CSMD1: variants seen among roughly 807,000 people sequenced by gnomAD.
CSMD1 encodes the protein CUB and Sushi multiple domains 1.
Under a neutral mutation model 417.5 loss-of-function variants are expected in CSMD1, and 213 were observed. The observed-to-expected ratio is 0.51, with a 90% CI of 0.46 to 0.57. CSMD1 has a LOEUF of 0.57. CSMD1 is among the 20% of genes least tolerant of loss of function. The probability of loss-of-function intolerance (pLI) is 0.00; values close to 1 mark genes in which losing one functional copy is unlikely to be tolerated. For missense variants in CSMD1, 6,923 were observed against 4,529.7 expected, an observed-to-expected ratio of 1.53 and a Z score of -15.17; for synonymous variants, 2,862 against 1,736.8, an observed-to-expected ratio of 1.65 and a Z score of -16.11.
intron 3 of CSMD1, among the ~76,000 whole-genome samples, chr8:4,256,703 G>A (rs1803479301): frequency 6.7e-6 from 1 of 149,958 alleles, no homozygotes; most frequent in African/African-American, 2.5e-5. Context: ...GGCCGGGCGT[G>A]GTGTGGGGGA....
intron 4 of CSMD1, among the ~76,000 whole-genome samples, chr8:4,002,522 A>T (rs1267049187): frequency 1.3e-5 from 2 of 152,234 alleles, no homozygotes; most frequent in African/African-American, 4.8e-5. Context: ...CAGAGGAAAC[A>T]GTTTTCAAAG....
intron 10 of CSMD1, among the ~76,000 whole-genome samples, chr8:3,501,757 C>A (rs1796610248): frequency 6.6e-6 from 1 of 152,150 alleles, no homozygotes; most frequent in Non-Finnish European, 1.5e-5. Context: ...AGAACGATTA[C>A]ACATTTTAAA....
At chr8:4,551,964 G>C (rs1211444258) in intron 2 of CSMD1, among the ~76,000 whole-genome samples, 1 of 151,460 alleles carries the variant, frequency 6.6e-6, no homozygotes, top group Non-Finnish European at 1.5e-5. Context: ...TGGGACTACA[G>C]GCATGAGCCA....
chr8:3,484,988 G>A (rs1817942511), intron 11 of CSMD1, among the ~76,000 whole-genome samples: 1 of 152,094 alleles, frequency 6.6e-6, no homozygotes, highest in Admixed American at 6.5e-5. Flanking sequence ...GAACCATGCT[G>A]GAAAACAGCT....
chr8:2,986,888 T>G (rs1805958333), intron 54 of CSMD1, among the ~76,000 whole-genome samples: 1 of 152,014 alleles, frequency 6.6e-6, no homozygotes, highest in African/African-American at 2.4e-5. Flanking sequence ...CAAAAGTAAT[T>G]GCGGTTTTTA....
At chr8:4,853,336 G>A (rs932781626) in intron 1 of CSMD1, among the ~76,000 whole-genome samples, 1 of 152,182 alleles carries the variant, frequency 6.6e-6, no homozygotes, top group African/African-American at 2.4e-5. Context: ...ATGCAAGGTG[G>A]CTGTTCCCTG....
intron 7 of CSMD1, among the ~76,000 whole-genome samples, chr8:3,657,261 T>C (rs552451931): frequency 2.0e-5 from 3 of 152,186 alleles, no homozygotes; most frequent in Admixed American, 6.5e-5. Flanking sequence ...CATTTCTATA[T>C]GCCAACAGTG....
intron 5 of CSMD1, among the ~76,000 whole-genome samples, chr8:3,794,968 T>G (rs1391329999): frequency 2.0e-5 from 3 of 151,926 alleles, no homozygotes; most frequent in Non-Finnish European, 4.4e-5. Context: ...CTATCATGTA[T>G]AGCTATAGAT....
In CSMD1 at chr8:4,468,043, G is replaced by A. The variant is rs190865459; in HGVS notation, c.303-47978C>T. ...CATCTCTCACATGGGTTACTCAACA[G>A]GCCCTGCCTCCTGTCCGTCCCTGTC... is the stretch of plus-strand genomic sequence containing the variant. On this transcript the variant is annotated intron_variant, in intron 2 of 69. Transcript: ENST00000635120. Among the ~76,000 whole-genome samples the A allele has an allele frequency of 9.4e-5, 14 of 149,452 alleles. No homozygotes were observed. In the East Asian group the frequency reaches 2.3e-3, roughly 25 times the overall value.
chr8:4,537,546 G>T (rs73661516), intron 2 of CSMD1, among the ~76,000 whole-genome samples: 1 of 152,116 alleles, frequency 6.6e-6, no homozygotes, highest in African/African-American at 2.4e-5. Flanking sequence ...TGATTAAAAA[G>T]ATTAGTTTTC....
chr8:4,109,682 T>C (rs1353593610), intron 3 of CSMD1, among the ~76,000 whole-genome samples: 1 of 152,166 alleles, frequency 6.6e-6, no homozygotes, highest in African/African-American at 2.4e-5. Flanking sequence ...TAAATAATTT[T>C]CAAGATACTC....
At chr8:4,430,094 C>G (rs73178927) in intron 2 of CSMD1, among the ~76,000 whole-genome samples, 2 of 152,122 alleles carry the variant, frequency 1.3e-5, no homozygotes, top group African/African-American at 4.8e-5. Context: ...ATGTTTAAAT[C>G]CCAGAAGTGA....
intron 10 of CSMD1, among the ~76,000 whole-genome samples, chr8:3,556,299 C>T (rs1274156066): frequency 6.6e-6 from 1 of 150,380 alleles, no homozygotes; most frequent in Non-Finnish European, 1.5e-5. Context: ...CTACCCTTCC[C>T]AGCCTCTGAT....
Position 3,219,205 on chromosome 8 carries a change from A to G in CSMD1, c.4672+50T>C, listed in dbSNP as rs577301560. On this transcript the variant is annotated intron_variant, in intron 29 of 69. Transcript: ENST00000635120. ...TTACAAAGCAATGCCTACAATAAAA[A>G]CAGTCCTGATACAAATTAATTCCCA... 6.2e-6 allele frequency: 9 copies of G among 1,449,860 alleles called. No homozygotes were observed. In the East Asian group the frequency reaches 2.0e-4, roughly 32 times the overall value. 89.8% of individuals were successfully genotyped at this position (1,449,860 alleles called of 1,614,324 possible).
chr8:4,781,467 G>T (rs1190237931), intron 1 of CSMD1, among the ~76,000 whole-genome samples: 1 of 152,134 alleles, frequency 6.6e-6, no homozygotes, highest in Non-Finnish European at 1.5e-5. Flanking sequence ...GTTTAGCATG[G>T]AGGCAACATA....
At chr8:4,028,328 A>G (rs1797169439) in intron 4 of CSMD1, among the ~76,000 whole-genome samples, 1 of 152,152 alleles carries the variant, frequency 6.6e-6, no homozygotes, top group South Asian at 2.1e-4. Flanking sequence ...TGAATCTTTA[A>G]TAAAATGCCT....
At chr8:3,875,194 G>T in intron 5 of CSMD1, among the ~76,000 whole-genome samples, 1 of 152,086 alleles carries the variant, frequency 6.6e-6, no homozygotes, top group Non-Finnish European at 1.5e-5. Flanking sequence ...GGAAGGAGTG[G>T]AACAGTGAGG....
chr8:3,427,962 A>T (rs1585149952), intron 12 of CSMD1, among the ~76,000 whole-genome samples: 1 of 152,200 alleles, frequency 6.6e-6, no homozygotes, highest in African/African-American at 2.4e-5. Flanking sequence ...AAGGTAAAGG[A>T]ATTTTGAATT....
chr8:3,924,552 T>C (rs775428566), intron 5 of CSMD1, among the ~76,000 whole-genome samples: 3 of 152,174 alleles, frequency 2.0e-5, no homozygotes, highest in Non-Finnish European at 2.9e-5. Flanking sequence ...TTTTTGAAAA[T>C]TGTGTATCAG....
Sources: allele counts gnomAD v4.1 joint callset (sites outside exome capture counted in the v4.1 genomes callset), GRCh38; gene constraint gnomAD v4.1.1; transcripts MANE v1.5; gene names NCBI Gene and HGNC (gene_info 2026-07-23, HGNC 2026-07-21).